Variants in FDPS observed in about 807,000 individuals in gnomAD.
FDPS encodes farnesyl pyrophosphate synthase.
Under a neutral mutation model 49.5 loss-of-function variants are expected in FDPS, and 29 were observed. The observed-to-expected ratio is 0.59, with a 90% CI of 0.44 to 0.80. FDPS has a LOEUF of 0.80. FDPS is among the 30% of genes least tolerant of loss of function. The pLI is 0.00. For synonymous variants in FDPS, 172 were observed against 206.4 expected (o/e 0.83, Z 1.43); for missense variants, 414 against 525.6 (o/e 0.79, Z 2.08).
rs1050365 is a variant in FDPS, at chr1:155,320,571, C to G, written c.1222C>G (p.Leu408Val). 1 of 1,614,204 alleles carries G rather than the reference C, an allele frequency of 6.2e-7. No homozygotes were observed. The change falls in exon 11 of 11, where the codon CTG becomes GTG. Residue 408 changes from leucine to valine, a missense_variant. Coordinates refer to ENST00000368356, the MANE Select transcript of FDPS (RefSeq NM_002004.4). Reference sequence around the variant, plus strand: ...AGCACCCCTGCCCCCAGCCGTCTTTCTGGGGCTTGCGCGCAAAATCTACAA... The same window carrying G: ...AGCACCCCTGCCCCCAGCCGTCTTTGTGGGGCTTGCGCGCAAAATCTACAA... ...YAAPLPPAVF[L>V]GLARKIYKRR...
chr1:155,319,813 T>C lies in FDPS; in HGVS notation c.944T>C (p.Phe315Ser), dbSNP rs1262501678. Residue 315 changes from phenylalanine to serine, a missense_variant, in exon 10 of 11, where the codon TTT (phenylalanine) becomes TCT (serine). Transcript: ENST00000368356. ...FQIQDDYLDL[F>S]GDPSVTGKIG... is the part of the protein sequence containing the mutation. ...GCCCAGGATGATTACCTTGACCTCT[T>C]TGGGGACCCCAGTGTGACCGGCAAA... The C allele has an allele frequency of 1.2e-6, 2 of 1,614,036 alleles. No individual in the cohort carries two copies. Among genetic ancestry groups the C allele is most frequent in the Admixed American group, 1.7e-5 (1 of 60,000 alleles).
chr1:155,310,300 A>G (rs1648658429), intron 3 of FDPS, 95 bp downstream of exon 3: 2 of 963,448 alleles, frequency 2.1e-6, no homozygotes, highest in African/African-American at 1.7e-5. Context: ...CTTTTGACAG[A>G]TGTGAGAGAA....
chr1:155,317,961 G>A lies in FDPS; in HGVS notation c.501G>A (p.Val167=). Residue 167 remains valine (V), a synonymous_variant, in exon 5 of 11, where the codon GTG becomes GTA. Coordinates refer to ENST00000368356, the MANE Select transcript of FDPS (RefSeq NM_002004.4). ...CVELLQAFFL[V]ADDIMDSSLT... The stretch of plus-strand genomic sequence containing the variant: ...TCTAGCTGCAAGCTTTCTTCCTGGT[G>A]GCAGATGACATCATGGATTCATCCC... The A allele has an allele frequency of 6.2e-7, 1 of 1,612,958 alleles. No homozygotes were observed. Among genetic ancestry groups the A allele is most frequent in the Non-Finnish European group, 8.5e-7 (1 of 1,180,022 alleles).
intron 4 of FDPS, among the ~76,000 whole-genome samples, chr1:155,316,606 A>T (rs1014942856): frequency 1.3e-5 from 2 of 152,084 alleles, no homozygotes; most frequent in Non-Finnish European, 2.9e-5. Flanking sequence ...GGCAAAACCC[A>T]GTCTCTACTG....
At position 155,318,042 on chromosome 1, in the gene FDPS, G is replaced by A. The variant is rs1366667989; in HGVS notation, c.561+21G>A. On this transcript the variant is annotated intron_variant, in intron 5 of 10. Coordinates refer to ENST00000368356, the MANE Select transcript of FDPS (RefSeq NM_002004.4). The surrounding 1 kb of genome is among the most constrained non-coding windows in gnomAD (Gnocchi z 4.2). The stretch of plus-strand genomic sequence containing the variant: ...AGAAGGTAATGTGGGCAGGAAAATA[G>A]CAGTGGGTATGGGGACAGGCCACAG... 6.2e-6 allele frequency: 10 copies of A among 1,613,680 alleles called. No homozygotes were observed. The highest frequency in any genetic ancestry group is 8.5e-6 in the Non-Finnish European group (10 of 1,179,580).
In FDPS at chr1:155,310,175, G is replaced by T. The variant is rs200301122; in HGVS notation, c.309G>T (p.Glu103Asp). 82 of 1,613,838 alleles carry T rather than the reference G, an allele frequency of 5.1e-5. No individual in the cohort carries two copies. Among genetic ancestry groups the T allele is most frequent in the Non-Finnish European group, 6.7e-5 (79 of 1,179,878 alleles). ...VLTEDEMGHP[E>D]IGDAIARLKE... ...CTGAGGATGAGATGGGGCACCCAGAGATAGGAGATGCTATTGCCCGGCTCA... is the reference window on the plus strand; with the variant it reads ...CTGAGGATGAGATGGGGCACCCAGATATAGGAGATGCTATTGCCCGGCTCA... Residue 103 changes from glutamate to aspartate, a missense_variant, in exon 3 of 11, where the codon GAG (glutamate) becomes GAT (aspartate). Coordinates refer to ENST00000368356, the MANE Select transcript of FDPS (RefSeq NM_002004.4).
At position 155,314,424 on chromosome 1, in the gene FDPS, C is replaced by T. The variant is rs12409362; in HGVS notation, c.480+2029C>T. On this transcript the variant is annotated intron_variant, in intron 4 of 10. Transcript: ENST00000368356. ...GAACTTGTGGCATCGAGTGATCTGCCCATCTCGGCCTCCTAAAGTGTTGGG... is the reference window on the plus strand; with the variant it reads ...GAACTTGTGGCATCGAGTGATCTGCTCATCTCGGCCTCCTAAAGTGTTGGG... 9.8e-3 allele frequency among the ~76,000 whole-genome samples: 1,487 copies of T among 151,920 alleles called. 93 individuals are homozygous for T. The highest frequency in any genetic ancestry group is 0.088 in the Admixed American group (1,337 of 15,228).
At chr1:155,311,744 G>T (rs1048502451) in intron 3 of FDPS, among the ~76,000 whole-genome samples, 2 of 152,104 alleles carry the variant, frequency 1.3e-5, no homozygotes, top group Non-Finnish European at 1.5e-5. Context: ...AGGCCAAGGC[G>T]GGTGGATGAC....
At position 155,319,925 on chromosome 1, in the gene FDPS, G is replaced by A. The variant is rs1650094276; in HGVS notation, c.1056G>A (p.Leu352=). Residue 352 remains leucine (L), a synonymous_variant, in exon 10 of 11, where the codon CTG becomes CTA. Coordinates refer to ENST00000368356, the MANE Select transcript of FDPS (RefSeq NM_002004.4). The part of the protein sequence containing the change: ...QRATPEQYQI[L]KENYGQKEAE... Reference sequence around the variant, plus strand: ...CCACTCCAGAACAGTACCAGATCCTGAAGGTGCCTGAGAGAGGGTGGTGGG... The same window carrying A: ...CCACTCCAGAACAGTACCAGATCCTAAAGGTGCCTGAGAGAGGGTGGTGGG... 6.2e-7 allele frequency: 1 copy of A among 1,613,958 alleles called. No homozygotes were observed.
chr1:155,318,470 C>A lies in FDPS; in HGVS notation c.684+179C>A. 2 of 861,078 alleles carry A rather than the reference C, an allele frequency of 2.3e-6. No individual in the cohort carries two copies. The highest frequency in any genetic ancestry group is 3.7e-6 in the Non-Finnish European group (2 of 541,946). 53.3% of individuals were successfully genotyped at this position (861,078 alleles called of 1,614,324 possible). A position where few individuals can be genotyped will look rare whatever the true frequency, so the allele number is the denominator to read the frequency against. On this transcript the variant is annotated intron_variant, in intron 6 of 10. Transcript: ENST00000368356. The surrounding 1 kb of genome is among the most constrained non-coding windows in gnomAD (Gnocchi z 4.2). ...TAGTGGCAAGAAAGGGCTTCTCTGTCCTGTGTAATTGGAAGAAAGGGTGAT... is the reference window on the plus strand; with the variant it reads ...TAGTGGCAAGAAAGGGCTTCTCTGTACTGTGTAATTGGAAGAAAGGGTGAT...
At chr1:155,315,855 G>A (rs1197479731) in intron 4 of FDPS, among the ~76,000 whole-genome samples, 1 of 147,670 alleles carries the variant, frequency 6.8e-6, no homozygotes, top group Non-Finnish European at 1.5e-5. Flanking sequence ...CAACAAGAGC[G>A]AAACTCCATC....
In FDPS at chr1:155,318,175, G is replaced by A. The variant is rs757544890; in HGVS notation, c.568G>A (p.Val190Met). 1.7e-5 allele frequency: 27 copies of A among 1,613,978 alleles called. No homozygotes were observed. Among genetic ancestry groups the A allele is most frequent in the East Asian group, 4.5e-5 (2 of 44,884 alleles). Residue 190 changes from valine to methionine, a missense_variant, in exon 6 of 11, where the codon GTG (valine) becomes ATG (methionine). Coordinates refer to ENST00000368356, the MANE Select transcript of FDPS (RefSeq NM_002004.4). The surrounding 1 kb of genome is among the most constrained non-coding windows in gnomAD (Gnocchi z 4.2). ...GQICWYQKPG[V>M]GLDAINDANL... Reference sequence around the variant, plus strand: ...TTTCTGTCTGTCATGACAGCCGGGCGTGGGTTTGGATGCCATCAATGATGC... The same window carrying A: ...TTTCTGTCTGTCATGACAGCCGGGCATGGGTTTGGATGCCATCAATGATGC...
In FDPS at chr1:155,309,867, G is replaced by A. The variant is rs573382158; in HGVS notation, c.78G>A (p.Trp26Ter). 5.7e-6 allele frequency: 9 copies of A among 1,589,546 alleles called. No individual in the cohort carries two copies. In the African/African-American group the frequency reaches 1.2e-4, roughly 21 times the overall value. The part of the protein sequence containing the change: ...PAPYWAPRER[W>*]LGSLRRPSLV... ...CCTACTGGGCACCCCGGGAGAGGTG[G>A]CTGGGTTCCCTACGGCGGCCCTCCC... The change falls in exon 2 of 11, where the codon TGG becomes TGA. Residue 26 changes from tryptophan (W) to a stop codon, truncating the protein, a stop_gained. Transcript: ENST00000368356. LOFTEE classifies it high-confidence loss of function.
chr1:155,314,778 G>T (rs936892021), intron 4 of FDPS, among the ~76,000 whole-genome samples: 1 of 151,664 alleles, frequency 6.6e-6, no homozygotes, highest in Non-Finnish European at 1.5e-5. Flanking sequence ...GCCTGGCCTG[G>T]GTTTTTTTTT....
In FDPS at chr1:155,318,775, C is replaced by T. The variant is rs984825761; in HGVS notation, c.773+22C>T. ...AGAGGTGAGGGGAGGTGAGGGACAG[C>T]GCGAACCATGTCTGGACAGCGAGGG... On this transcript the variant is annotated intron_variant, in intron 7 of 10. Coordinates refer to ENST00000368356, the MANE Select transcript of FDPS (RefSeq NM_002004.4). The surrounding 1 kb of genome is among the most constrained non-coding windows in gnomAD (Gnocchi z 4.2). The T allele has an allele frequency of 2.7e-5, 43 of 1,599,686 alleles. No homozygotes were observed. The highest frequency in any genetic ancestry group is 3.2e-5 in the Non-Finnish European group (37 of 1,167,216).
intron 4 of FDPS, chr1:155,316,966 A>G (rs767112728): frequency 9.2e-5 from 14 of 152,206 alleles, no homozygotes; most frequent in African/African-American, 3.4e-4. Context: ...AAGAGGGGGA[A>G]GTTACTGTCC....
Position 155,319,891 on chromosome 1 carries a change from T to G in FDPS, c.1022T>G (p.Leu341Arg). 1 of 1,614,162 alleles carries G rather than the reference T, an allele frequency of 6.2e-7. No individual in the cohort carries two copies. The highest frequency in any genetic ancestry group is 8.5e-7 in the Non-Finnish European group (1 of 1,180,026). Residue 341 changes from leucine to arginine, a missense_variant, in exon 10 of 11, where the codon CTG becomes CGG. Physicochemically the swap from Leu to Arg is moderately radical, Grantham distance 102 (BLOSUM62 -2). Transcript: ENST00000368356. ...TGCAGCTGGCTGGTGGTTCAGTGTC[T>G]GCAACGGGCCACTCCAGAACAGTAC... ...NKCSWLVVQC[L>R]QRATPEQYQI...
Position 155,310,225 on chromosome 1 carries a change from G to A in FDPS, c.339+20G>A. 5 of 1,613,202 alleles carry A rather than the reference G, an allele frequency of 3.1e-6. No individual in the cohort carries two copies. Among genetic ancestry groups the A allele is most frequent in the Non-Finnish European group, 4.2e-6 (5 of 1,179,380 alleles). ...AAGGAGGTGAGGGATTCATGACTTG[G>A]GGGAGTAAGGCTTTGGTTCAGTTGC... is the stretch of plus-strand genomic sequence containing the variant. On this transcript the variant is annotated intron_variant, in intron 3 of 10. Coordinates refer to ENST00000368356, the MANE Select transcript of FDPS (RefSeq NM_002004.4).
At chr1:155,315,321 G>T (rs1649217241) in intron 4 of FDPS, among the ~76,000 whole-genome samples, 1 of 151,964 alleles carries the variant, frequency 6.6e-6, no homozygotes. Flanking sequence ...GAGGCAGGTG[G>T]ATCACCTGAG....
Sources: gnomAD v4.1 joint callset for allele counts (sites outside exome capture counted in the v4.1 genomes callset) on GRCh38, gnomAD v4.1.1 for gene constraint, Gnocchi (gnomAD v3.1) non-coding constraint, MANE v1.5 for transcripts, NCBI Gene and HGNC (gene_info 2026-07-23, HGNC 2026-07-21) for gene names.